Variants in DOCK1 observed in about 807,000 individuals in gnomAD.
DOCK1 encodes dedicator of cytokinesis protein 1.
In DOCK1, 138 loss-of-function variants were observed where a neutral mutation model predicts 262.7. That is an observed-to-expected ratio of 0.53 (90% CI 0.46 to 0.61). DOCK1 has a LOEUF of 0.61. DOCK1 is among the 20% of genes least tolerant of loss of function. DOCK1 has a pLI of 0.00. For synonymous variants in DOCK1, 866 were observed against 867.4 expected (o/e 1.00, Z 0.03); for missense variants, 1,908 against 2,370.7 (o/e 0.80, Z 4.05).
intron 49 of DOCK1, among the ~76,000 whole-genome samples, chr10:127,442,873 C>CT (rs1292125920): frequency 6.6e-6 from 1 of 152,264 alleles, no homozygotes. Context: ...TACTCAGCCA[C>CT]TTTTGCATCT....
At chr10:127,109,059 T>C (rs1301711250) in intron 24 of DOCK1, among the ~76,000 whole-genome samples, 1 of 152,260 alleles carries the variant, frequency 6.6e-6, no homozygotes, top group Admixed American at 6.5e-5. Context: ...TTGTAGTTTC[T>C]GCTCCTATTT....
chr10:127,447,494 C>G lies in DOCK1; in HGVS notation c.5514C>G (p.Asn1838Lys). ...SVADYGNLME[N>K]QDLLGSPTPP... ...CAGATTACGGGAATTTGATGGAAAA[C>G]CAGGACTTGCTGGGCTCGCCAACAC... Residue 1838 changes from asparagine to lysine, a missense_variant, in exon 51 of 52, where the codon AAC becomes AAG. Around this residue, in one of 9 missense-constraint regions of DOCK1, gnomAD observed 383 missense variants for 420.1 expected, o/e 0.91. Coordinates refer to ENST00000623213, the MANE Select transcript of DOCK1 (RefSeq NM_001290223.2). The G allele has an allele frequency of 6.2e-7, 1 of 1,613,898 alleles. No homozygotes were observed. The highest frequency in any genetic ancestry group is 8.5e-7 in the Non-Finnish European group (1 of 1,179,878).
chr10:127,127,643 G>T (rs776185588), intron 26 of DOCK1, 26 bp from the exon 27 acceptor site: 2 of 1,569,062 alleles, frequency 1.3e-6, no homozygotes, highest in South Asian at 1.1e-5. Context: ...TCTGGTGTTG[G>T]TGTTCATTGG....
intron 10 of DOCK1, among the ~76,000 whole-genome samples, chr10:127,002,878 G>A (rs1326990316): frequency 7.2e-5 from 11 of 152,114 alleles, no homozygotes; most frequent in African/African-American, 1.9e-4. Context: ...CACTGATATC[G>A]GGGCTTCTGA....
At chr10:127,140,069 C>T (rs1032653536) in intron 27 of DOCK1, among the ~76,000 whole-genome samples, 1 of 152,078 alleles carries the variant, frequency 6.6e-6, no homozygotes, top group Non-Finnish European at 1.5e-5. Context: ...AAGGTGTGTT[C>T]TCCAGATCGT....
rs138320091 is a variant in DOCK1, at chr10:126,977,287, C to T, written c.131-661C>T. Among the ~76,000 whole-genome samples, 54 of 152,188 alleles carry T rather than the reference C, an allele frequency of 3.5e-4. 1 individual carries two copies. In the East Asian group the frequency reaches 5.6e-3, roughly 16 times the overall value. The stretch of plus-strand genomic sequence containing the variant: ...TGGCATCCATGGCATGCGGATGGTT[C>T]GAGTGTGTCTTTCTTTCTGCTCTCA... On this transcript the variant is annotated intron_variant, in intron 2 of 51. Transcript: ENST00000623213.
chr10:127,323,005 G>T (rs1449657536), intron 29 of DOCK1, among the ~76,000 whole-genome samples: 1 of 152,178 alleles, frequency 6.6e-6, no homozygotes, highest in Non-Finnish European at 1.5e-5. Flanking sequence ...GATAGCGTGT[G>T]CTTCCCCTTG....
At chr10:127,112,907 A>C (rs1439589535) in intron 25 of DOCK1, among the ~76,000 whole-genome samples, 6 of 152,142 alleles carry the variant, frequency 3.9e-5, no homozygotes, top group Admixed American at 3.3e-4. Flanking sequence ...CGTTTTTCTT[A>C]AAACAACCTG....
At chr10:127,286,349 C>T (rs542986942) in intron 29 of DOCK1, among the ~76,000 whole-genome samples, 2 of 152,304 alleles carry the variant, frequency 1.3e-5, no homozygotes, top group East Asian at 3.9e-4. Flanking sequence ...ATAATTATTG[C>T]ACCATCTTTT....
rs180939622 is a variant in DOCK1, at chr10:127,107,943, G to A, written c.2516+1642G>A. Among the ~76,000 whole-genome samples, 11 of 152,260 alleles carry A rather than the reference G, an allele frequency of 7.2e-5. No individual in the cohort carries two copies. In the East Asian group the frequency reaches 1.8e-3, roughly 24 times the overall value. ...TGAGCCGGGCCTGTCCTCACTGTAC[G>A]CACAAATTAGCCCCTCACCGATGGA... On this transcript the variant is annotated intron_variant, in intron 24 of 51. Transcript: ENST00000623213.
intron 29 of DOCK1, among the ~76,000 whole-genome samples, chr10:127,280,412 G>GT (rs954724352): frequency 9.9e-5 from 15 of 151,818 alleles, no homozygotes; most frequent in East Asian, 3.9e-4. Flanking sequence ...ATTTTTTAAG[G>GT]TTTTTTTTAT....
chr10:127,338,154 T>A (rs1414951049), intron 29 of DOCK1, among the ~76,000 whole-genome samples: 2 of 152,216 alleles, frequency 1.3e-5, no homozygotes, highest in Non-Finnish European at 2.9e-5. Flanking sequence ...AGGTTTATCA[T>A]CTGTGACCTA....
rs571388048 is a variant in DOCK1 at position 127,423,359 on chromosome 10, G to T, written c.4777-2515G>T. Among the ~76,000 whole-genome samples, 134 of 152,260 alleles carry T rather than the reference G, an allele frequency of 8.8e-4. 4 individuals are homozygous for T. The highest frequency in any genetic ancestry group is 1.2e-3 in the Non-Finnish European group (82 of 68,010). ...CTGATGCATAAAATGGTTTGTGAAG[G>T]TTGGTTAATAAGTCCCAGGCAGCTC... On this transcript the variant is annotated intron_variant, in intron 46 of 51. Transcript: ENST00000623213.
chr10:126,987,374 A>G, intron 4 of DOCK1, 147 bp from the exon 5 acceptor site: 1 of 607,240 alleles, frequency 1.6e-6, no homozygotes, highest in Non-Finnish European at 3.0e-6. Context: ...GTATGTATTT[A>G]TATGTGTGCA....
chr10:127,257,110 C>T (rs966377267), intron 28 of DOCK1, among the ~76,000 whole-genome samples: 2 of 152,150 alleles, frequency 1.3e-5, no homozygotes, highest in Non-Finnish European at 2.9e-5. Context: ...TGCTCAGGGA[C>T]TGTTTCAGAA....
chr10:126,991,538 T>G (rs2039785783), intron 6 of DOCK1, among the ~76,000 whole-genome samples: 2 of 151,174 alleles, frequency 1.3e-5, no homozygotes, highest in South Asian at 4.2e-4. Flanking sequence ...TGTTTGTTTG[T>G]TTTTTTTTGA....
chr10:127,058,856 T>C (rs1054024766), intron 22 of DOCK1, among the ~76,000 whole-genome samples: 1 of 152,144 alleles, frequency 6.6e-6, no homozygotes, highest in African/African-American at 2.4e-5. Flanking sequence ...ATTCTATGTT[T>C]TATATTCCAT....
chr10:127,263,528 A>G (rs1331753324), intron 29 of DOCK1, among the ~76,000 whole-genome samples: 3 of 152,224 alleles, frequency 2.0e-5, no homozygotes, highest in Admixed American at 6.5e-5. Flanking sequence ...GCAAGATGAC[A>G]TTTAAGATGA....
intron 22 of DOCK1, among the ~76,000 whole-genome samples, chr10:127,056,634 C>T (rs563966148): frequency 1.6e-4 from 25 of 152,210 alleles, no homozygotes; most frequent in Middle Eastern, 3.4e-3. Flanking sequence ...TCCCTTCCTT[C>T]CTTCCTTCCA....
Sources: allele counts gnomAD v4.1 joint callset (sites outside exome capture counted in the v4.1 genomes callset), GRCh38; gene constraint gnomAD v4.1.1; regional missense constraint gnomAD v4.1.1; transcripts MANE v1.5; gene names NCBI Gene and HGNC (gene_info 2026-07-23, HGNC 2026-07-21).